The following NBAS variants were observed in gnomAD, a reference collection of about 807,000 sequenced individuals.
NBAS encodes the protein NAG/BC035112 fusion.
In NBAS, 219 loss-of-function variants were observed where a neutral mutation model predicts 302.5. That is an observed-to-expected ratio of 0.72 (90% CI 0.65 to 0.81). NBAS has a LOEUF of 0.81. NBAS is among the 30% of genes least tolerant of loss of function. The probability of loss-of-function intolerance (pLI) is 0.00; values close to 1 mark genes in which losing one functional copy is unlikely to be tolerated. For missense variants in NBAS, 2,932 were observed against 2,841.6 expected, an observed-to-expected ratio of 1.03 and a Z score of -0.72; for synonymous variants, 1,118 against 1,021.6, an observed-to-expected ratio of 1.09 and a Z score of -1.80.
intron 40 of NBAS, among the ~76,000 whole-genome samples, chr2:15,294,341 T>A (rs902450953): frequency 6.6e-6 from 1 of 152,200 alleles, no homozygotes; most frequent in Non-Finnish European, 1.5e-5. Flanking sequence ...AACACCTATA[T>A]GGCTAAGGCT....
At chr2:14,954,677 CA>C in the NBAS span, among the ~76,000 whole-genome samples, 1 of 152,258 alleles carries the variant, frequency 6.6e-6, no homozygotes, top group Admixed American at 6.5e-5. Flanking sequence ...CATCGTTCTT[CA>C]CATGATGGCA....
At chr2:15,275,397 G>C in intron 44 of NBAS, 87 bp downstream of exon 44, 1 of 1,372,398 alleles carries the variant, frequency 7.3e-7, no homozygotes, top group Non-Finnish European at 9.9e-7. Flanking sequence ...TTCAAGAAAG[G>C]AAACAAAAAT....
chr2:15,351,876 ACACACACAC>A, intron 35 of NBAS, 107 bp downstream of exon 35: 1 of 124,702 alleles, frequency 8.0e-6, no homozygotes, highest in Non-Finnish European at 2.4e-5. Flanking sequence ...GCATGCACAC[ACACACACAC>A]ACACACACAC....
At chr2:15,547,569 G>A (rs1355467576) in intron 6 of NBAS, among the ~76,000 whole-genome samples, 1 of 152,168 alleles carries the variant, frequency 6.6e-6, no homozygotes, top group East Asian at 1.9e-4. Context: ...AGCTTCCCAT[G>A]TTCATGTTAA....
chr2:14,955,265 G>T, the NBAS span, among the ~76,000 whole-genome samples: 1 of 152,206 alleles, frequency 6.6e-6, no homozygotes, highest in African/African-American at 2.4e-5. Context: ...CAAGAGGTGG[G>T]CTCCCACAGC....
the NBAS span, among the ~76,000 whole-genome samples, chr2:14,909,319 CAAAAA>C: frequency 2.1e-5 from 1 of 46,710 alleles, no homozygotes; most frequent in Non-Finnish European, 4.7e-5. Context: ...GACTCCGTCT[CAAAAA>C]AAAAAAAAAA....
At chr2:15,185,623 G>C (rs1009267119) in intron 50 of NBAS, among the ~76,000 whole-genome samples, 1 of 152,146 alleles carries the variant, frequency 6.6e-6, no homozygotes, top group Admixed American at 6.5e-5. Flanking sequence ...GGGTTCATAA[G>C]TGGCTGATAC....
intron 40 of NBAS, among the ~76,000 whole-genome samples, chr2:15,305,449 GTTTT>G (rs35136896): frequency 4.8e-5 from 6 of 123,776 alleles, no homozygotes; most frequent in African/African-American, 1.5e-4. Flanking sequence ...GTCTCGAGCA[GTTTT>G]TTTTTTTTTT....
the NBAS span, among the ~76,000 whole-genome samples, chr2:15,004,964 G>A: frequency 2.0e-5 from 3 of 152,092 alleles, no homozygotes; most frequent in Non-Finnish European, 4.4e-5. Context: ...AAAGCTGGGA[G>A]AACTTCCTGC....
At chr2:15,525,733 CTT>C (rs1662885766) in intron 9 of NBAS, among the ~76,000 whole-genome samples, 1 of 152,098 alleles carries the variant, frequency 6.6e-6, no homozygotes, top group African/African-American at 2.4e-5. Flanking sequence ...CACTAACTAA[CTT>C]TTTGTAGCTA....
chr2:15,435,350 G>A (rs1677960009), intron 21 of NBAS, among the ~76,000 whole-genome samples: 1 of 152,116 alleles, frequency 6.6e-6, no homozygotes, highest in Non-Finnish European at 1.5e-5. Context: ...TCTAAACTGT[G>A]CTGAATGGAC....
At chr2:15,176,234 T>C (rs183744586) in intron 51 of NBAS, among the ~76,000 whole-genome samples, 11 of 152,308 alleles carry the variant, frequency 7.2e-5, no homozygotes, top group Admixed American at 5.2e-4. Context: ...TTTAATGGTG[T>C]TGGAAGAGCA....
In NBAS at chr2:15,190,006, T is replaced by G. The variant is rs140931345; in HGVS notation, c.6572+258A>C. 1.8e-3 allele frequency among the ~76,000 whole-genome samples: 280 copies of G among 152,310 alleles called. 2 individuals are homozygous for G. Among genetic ancestry groups the G allele is most frequent in the African/African-American group, 6.3e-3 (260 of 41,566 alleles). On this transcript the variant is annotated intron_variant, in intron 49 of 51. Transcript: ENST00000281513. ...TGGTGAAAATACTGAAACTACATTG[T>G]TTTTGTTGACATCATAAATCAGATA...
chr2:14,870,355 T>C, the NBAS span, among the ~76,000 whole-genome samples: 2 of 152,170 alleles, frequency 1.3e-5, no homozygotes, highest in Non-Finnish European at 2.9e-5. Flanking sequence ...GATCCAGTCA[T>C]GGGTTTGAAG....
chr2:15,401,768 G>A (rs1227892355), intron 26 of NBAS, among the ~76,000 whole-genome samples: 1 of 152,128 alleles, frequency 6.6e-6, no homozygotes, highest in East Asian at 1.9e-4. Context: ...AAGTACTATA[G>A]GCAAAGGCCA....
At chr2:15,415,175 A>C (rs1466329016) in intron 25 of NBAS, among the ~76,000 whole-genome samples, 2 of 152,134 alleles carry the variant, frequency 1.3e-5, no homozygotes, top group African/African-American at 4.8e-5. Context: ...CACAATTTTC[A>C]TTTCTTGTAA....
the NBAS span, among the ~76,000 whole-genome samples, chr2:14,915,506 G>A: frequency 6.6e-6 from 1 of 152,152 alleles, no homozygotes; most frequent in African/African-American, 2.4e-5. Flanking sequence ...TGAATCATGG[G>A]GTTGGGTCTT....
intron 44 of NBAS, among the ~76,000 whole-genome samples, chr2:15,253,414 T>C (rs1668448747): frequency 6.6e-6 from 1 of 152,152 alleles, no homozygotes; most frequent in South Asian, 2.1e-4. Flanking sequence ...CAAGGGATTG[T>C]CCAGCAAGAG....
At chr2:15,324,264 A>T (rs926547255) in intron 38 of NBAS, among the ~76,000 whole-genome samples, 4 of 152,168 alleles carry the variant, frequency 2.6e-5, no homozygotes, top group Admixed American at 6.5e-5. Flanking sequence ...GTTCCTTCAA[A>T]ATGTTTAAAT....
Sources: gnomAD v4.1 joint callset for allele counts (sites outside exome capture counted in the v4.1 genomes callset) on GRCh38, gnomAD v4.1.1 for gene constraint, MANE v1.5 for transcripts, NCBI Gene and HGNC (gene_info 2026-07-23, HGNC 2026-07-21) for gene names.